Variants in SORCS1 observed in about 807,000 individuals in gnomAD.
SORCS1 encodes sortilin related VPS10 domain containing receptor 1.
Under a neutral mutation model 146.1 loss-of-function variants are expected in SORCS1, and 60 were observed. That is an observed-to-expected ratio of 0.41 (90% CI 0.33 to 0.51). SORCS1 has a LOEUF of 0.51. SORCS1 is among the 20% of genes least tolerant of loss of function. The probability of loss-of-function intolerance (pLI) is 0.21; values close to 1 mark genes in which losing one functional copy is unlikely to be tolerated. For missense variants in SORCS1, 1,352 were observed against 1,487.6 expected (o/e 0.91, Z 1.50); for synonymous variants, 637 against 584.0 (o/e 1.09, Z -1.31).
intron 3 of SORCS1, among the ~76,000 whole-genome samples, chr10:106,811,338 G>T (rs1947448102): frequency 6.6e-6 from 1 of 152,154 alleles, no homozygotes; most frequent in Non-Finnish European, 1.5e-5. Flanking sequence ...TTCATAAAGA[G>T]AAAATGTAAC....
intron 1 of SORCS1, among the ~76,000 whole-genome samples, chr10:106,964,609 C>T (rs1243799077): frequency 2.6e-5 from 4 of 152,158 alleles, no homozygotes; most frequent in Non-Finnish European, 5.9e-5. Context: ...TCTTCAGCCT[C>T]CCAAGTAGCT....
chr10:107,104,195 G>A (rs1229142102), intron 1 of SORCS1, among the ~76,000 whole-genome samples: 3 of 152,296 alleles, frequency 2.0e-5, no homozygotes. Flanking sequence ...GGTGCTAAGT[G>A]ATACTGTTAG....
chr10:107,160,328 C>T (rs966502769), intron 1 of SORCS1, among the ~76,000 whole-genome samples: 17 of 152,200 alleles, frequency 1.1e-4, no homozygotes, highest in African/African-American at 4.1e-4. Flanking sequence ...CACTGACCTC[C>T]TGTGTCTATT....
intron 2 of SORCS1, among the ~76,000 whole-genome samples, chr10:106,914,004 C>G (rs951178333): frequency 4.6e-5 from 7 of 152,296 alleles, no homozygotes; most frequent in African/African-American, 1.4e-4. Context: ...ACACATCCAG[C>G]CAGTGGGAAG....
At chr10:106,655,655 T>G (rs1259288677) in intron 17 of SORCS1, among the ~76,000 whole-genome samples, 1 of 152,168 alleles carries the variant, frequency 6.6e-6, no homozygotes, top group African/African-American at 2.4e-5. Flanking sequence ...CAGAAAAGGC[T>G]GTTGGTAATT....
intron 16 of SORCS1, among the ~76,000 whole-genome samples, chr10:106,670,882 C>A (rs533397160): frequency 1.3e-5 from 2 of 151,764 alleles, no homozygotes; most frequent in Non-Finnish European, 2.9e-5. Context: ...TTAGTAGGGA[C>A]GGGGTTTTAC....
chr10:106,875,550 T>C (rs1419426118), intron 2 of SORCS1, among the ~76,000 whole-genome samples: 3 of 152,310 alleles, frequency 2.0e-5, no homozygotes, highest in East Asian at 1.9e-4. Context: ...CTGTTTTCCA[T>C]AGAGGTTGTA....
chr10:106,831,939 C>T (rs952882136), intron 2 of SORCS1, among the ~76,000 whole-genome samples: 37 of 152,222 alleles, frequency 2.4e-4, no homozygotes, highest in African/African-American at 8.9e-4. Flanking sequence ...TGGCTTATTT[C>T]AGGACCAGTC....
Position 107,125,610 on chromosome 10 carries a change from A to G in SORCS1, c.558+38359T>C, listed in dbSNP as rs72813000. 6.2e-3 allele frequency among the ~76,000 whole-genome samples: 951 copies of G among 152,352 alleles called. 6 individuals are homozygous for G. Among genetic ancestry groups the G allele is most frequent in the Non-Finnish European group, 0.011 (724 of 68,036 alleles). ...AGTGTGGCTTTTGGGACTGCATCAG[A>G]AGGCTGGGAAGCAAATAATGAAGGT... On this transcript the variant is annotated intron_variant, in intron 1 of 25. Coordinates refer to ENST00000263054, the MANE Select transcript of SORCS1 (RefSeq NM_052918.5).
chr10:107,026,209 G>A (rs929796573), intron 1 of SORCS1, among the ~76,000 whole-genome samples: 1 of 152,204 alleles, frequency 6.6e-6, no homozygotes, highest in Middle Eastern at 3.2e-3. Context: ...GAGAAAAAAT[G>A]TTGTTCACCT....
intron 6 of SORCS1, among the ~76,000 whole-genome samples, chr10:106,711,039 T>G (rs1454666525): frequency 6.6e-6 from 1 of 152,220 alleles, no homozygotes; most frequent in Non-Finnish European, 1.5e-5. Flanking sequence ...CCTTGTTATT[T>G]CTTTCTTACT....
chr10:106,686,701 T>C (rs575237701), intron 10 of SORCS1, among the ~76,000 whole-genome samples: 14 of 152,324 alleles, frequency 9.2e-5, no homozygotes, highest in Admixed American at 2.0e-4. Context: ...GGATAGAAGC[T>C]GAGTGGGAGG....
chr10:107,050,166 G>A (rs1037389392), intron 1 of SORCS1, among the ~76,000 whole-genome samples: 3 of 152,146 alleles, frequency 2.0e-5, no homozygotes, highest in African/African-American at 7.2e-5. Context: ...ATATTTGTTA[G>A]TTGTATTCCT....
chr10:106,689,634 C>T (rs1332046291), intron 9 of SORCS1, among the ~76,000 whole-genome samples: 1 of 152,138 alleles, frequency 6.6e-6, no homozygotes, highest in Non-Finnish European at 1.5e-5. Context: ...AGCACTATGT[C>T]CAGCATTTTA....
intron 1 of SORCS1, among the ~76,000 whole-genome samples, chr10:107,061,624 A>C (rs1428636994): frequency 6.6e-6 from 1 of 152,180 alleles, no homozygotes; most frequent in Admixed American, 6.5e-5. Context: ...TTTTGTGAAC[A>C]AGTCAGAGCA....
intron 2 of SORCS1, among the ~76,000 whole-genome samples, chr10:106,945,502 T>C (rs1330918392): frequency 6.6e-6 from 1 of 152,206 alleles, no homozygotes; most frequent in African/African-American, 2.4e-5. Context: ...GGAAGGTAAC[T>C]GGATGGTGGT....
chr10:106,687,950 A>C (rs1163266413), intron 10 of SORCS1, among the ~76,000 whole-genome samples: 1 of 152,186 alleles, frequency 6.6e-6, no homozygotes, highest in East Asian at 1.9e-4. Context: ...CCCTCATCAG[A>C]ACTTGGGCGG....
In SORCS1 at chr10:106,975,191, T is replaced by C. The variant is rs182988264; in HGVS notation, c.559-18611A>G. Among the ~76,000 whole-genome samples the C allele has an allele frequency of 4.9e-3, 740 of 152,322 alleles. 8 individuals carry two copies. Among genetic ancestry groups the C allele is most frequent in the Non-Finnish European group, 8.5e-3 (578 of 68,030 alleles). On this transcript the variant is annotated intron_variant, in intron 1 of 25. Coordinates refer to ENST00000263054, the MANE Select transcript of SORCS1 (RefSeq NM_052918.5). ...GCATGCTTCCCTCAGAGTTTAGAGA[T>C]CCAAAATTTCCCAACCTTACCTTAA...
intron 2 of SORCS1, among the ~76,000 whole-genome samples, chr10:106,914,319 G>A (rs1952307745): frequency 1.3e-5 from 2 of 152,154 alleles, no homozygotes; most frequent in South Asian, 2.1e-4. Flanking sequence ...TGTTAAATTC[G>A]TAGTTAAGGT....
Sources: allele counts gnomAD v4.1 joint callset (sites outside exome capture counted in the v4.1 genomes callset), GRCh38; gene constraint gnomAD v4.1.1; transcripts MANE v1.5; gene names NCBI Gene and HGNC (gene_info 2026-07-23, HGNC 2026-07-21).